OVCH1: variants seen among roughly 807,000 people sequenced by gnomAD.
OVCH1 encodes the protein ovochymase-1.
OVCH1 carries 139 observed loss-of-function variants against 138.4 expected under a neutral mutation model. That is an observed-to-expected ratio of 1.00 (90% CI 0.87 to 1.16). The LOEUF is 1.16. Among genes scored for constraint, OVCH1 ranks in the 50% most tolerant of loss-of-function variants. OVCH1 has a pLI of 0.00. For missense variants in OVCH1, 1,367 were observed against 1,357.9 expected, an observed-to-expected ratio of 1.01 and a Z score of -0.11; for synonymous variants, 453 against 467.8, an observed-to-expected ratio of 0.97 and a Z score of 0.41.
At position 29,458,016 on chromosome 12, in the gene OVCH1, T is replaced by C. The variant is rs112928633; in HGVS notation, c.2281-2611A>G. 8.8e-3 allele frequency among the ~76,000 whole-genome samples: 1,346 copies of C among 152,296 alleles called. 10 individuals are homozygous for C. The highest frequency in any genetic ancestry group is 0.02 in the Middle Eastern group (6 of 294). On this transcript the variant is annotated intron_variant, in intron 19 of 27. Coordinates refer to ENST00000318184, the Ensembl canonical transcript of OVCH1. ...GGCAAGATATGGTCAGTTGGAAGGC[T>C]AGAAGGCAAATCAATGTGGCTGAGG...
At chr12:29,476,759 A>ATG (rs1942739621) in intron 12 of OVCH1, among the ~76,000 whole-genome samples, 1 of 54,046 alleles carries the variant, frequency 1.9e-5, no homozygotes, top group African/African-American at 4.3e-5. Flanking sequence ...ACGCGCGCAC[A>ATG]CACACACACA....
At chr12:29,448,967 G>T (rs1230926776) in intron 22 of OVCH1, among the ~76,000 whole-genome samples, 1 of 151,826 alleles carries the variant, frequency 6.6e-6, no homozygotes, top group Non-Finnish European at 1.5e-5. Flanking sequence ...CCTCCTTACT[G>T]CAAGCCAAAA....
chr12:29,411,300 A>G (rs1005991047), downstream of OVCH1, among the ~76,000 whole-genome samples: 1 of 148,888 alleles, frequency 6.7e-6, no homozygotes, highest in Non-Finnish European at 1.5e-5. Context: ...TCTACTCTCA[A>G]CTCGTCAAAG....
downstream of OVCH1, among the ~76,000 whole-genome samples, chr12:29,411,267 C>T (rs1231884197): frequency 3.6e-5 from 5 of 139,644 alleles, no homozygotes; most frequent in East Asian, 2.1e-4. Flanking sequence ...TCCTGTAGCT[C>T]GTAGTTTGAG....
chr12:29,410,144 T>G (rs995721157), downstream of OVCH1, among the ~76,000 whole-genome samples: 1 of 148,252 alleles, frequency 6.7e-6, no homozygotes, highest in African/African-American at 2.4e-5. Flanking sequence ...TGCCTTTTTT[T>G]GTTTTCCATT....
At chr12:29,466,488 T>C (rs1265335597) in intron 16 of OVCH1, among the ~76,000 whole-genome samples, 1 of 149,450 alleles carries the variant, frequency 6.7e-6, no homozygotes, top group Non-Finnish European at 1.5e-5. Flanking sequence ...TCGTCATCTT[T>C]TGTTAAATCA....
At chr12:29,464,839 T>A in intron 17 of OVCH1, 137 bp from the exon 18 acceptor site, 1 of 791,374 alleles carries the variant, frequency 1.3e-6, no homozygotes, top group Non-Finnish European at 2.0e-6. Flanking sequence ...CTATTAAATT[T>A]AAAAGAGCAA....
chr12:29,494,770 C>G (rs1250597145), intron 4 of OVCH1, among the ~76,000 whole-genome samples: 1 of 151,998 alleles, frequency 6.6e-6, no homozygotes, highest in Non-Finnish European at 1.5e-5. Flanking sequence ...TGCTGAATCT[C>G]ATGAAGATAG....
intron 3 of OVCH1, among the ~76,000 whole-genome samples, chr12:29,421,320 A>G (rs1941100997): frequency 6.6e-6 from 1 of 152,266 alleles, no homozygotes; most frequent in Admixed American, 6.5e-5. Context: ...TAGAAAAGTA[A>G]TAACAAAACA....
intron 16 of OVCH1, among the ~76,000 whole-genome samples, chr12:29,469,532 A>T (rs796785332): frequency 2.6e-5 from 4 of 152,198 alleles, no homozygotes; most frequent in African/African-American, 9.6e-5. Context: ...CATCTGAGCA[A>T]CAGAAAGACC....
chr12:29,434,587 C>G (rs1565568574), intron 26 of OVCH1, among the ~76,000 whole-genome samples: 1 of 151,958 alleles, frequency 6.6e-6, no homozygotes, highest in Non-Finnish European at 1.5e-5. Flanking sequence ...AAAAAATGGA[C>G]TTACCAGAAA....
intron 25 of OVCH1, among the ~76,000 whole-genome samples, chr12:29,441,267 C>G (rs2135919311): frequency 6.6e-6 from 1 of 152,264 alleles, no homozygotes; most frequent in African/African-American, 2.4e-5. Context: ...GGTACCAAAA[C>G]AGAGATATAG....
chr12:29,465,307 T>G, intron 16 of OVCH1, 88 bp from the exon 17 acceptor site: 2 of 1,111,956 alleles, frequency 1.8e-6, no homozygotes, highest in Non-Finnish European at 2.5e-6. Context: ...TCTGAGACTA[T>G]AAAGTCTTTC....
At position 29,476,205 on chromosome 12, in the gene OVCH1, C is replaced by A; in HGVS notation, c.1471+1G>T. The A allele has an allele frequency of 6.2e-7, 1 of 1,609,306 alleles. No homozygotes were observed. The highest frequency in any genetic ancestry group is 8.5e-7 in the Non-Finnish European group (1 of 1,175,688). The stretch of plus-strand genomic sequence containing the variant: ...ATATTTAAAGGGTGAAGTCTACCTA[C>A]CTAACTTGTGCTTTTCTTCAGAATC... On this transcript the variant is annotated splice_donor_variant, in intron 13 of 27. Coordinates refer to ENST00000318184, the Ensembl canonical transcript of OVCH1. LOFTEE classifies it high-confidence loss of function.
At chr12:29,487,792 C>T in exon 7 of OVCH1, 3 of 1,606,254 alleles carry the variant, frequency 1.9e-6, no homozygotes, top group Non-Finnish European at 2.6e-6. Context: ...GGAACTGAAC[C>T]TCCAGCACAA....
intron 22 of OVCH1, among the ~76,000 whole-genome samples, chr12:29,448,803 A>G (rs10843421): frequency 0.31 from 46,837 of 152,040 alleles, 8,676 homozygotes; most frequent in Middle Eastern, 0.52. Flanking sequence ...TTATCCTAAG[A>G]AAACAACCCC....
intron 8 of OVCH1, 30 bp from the exon 10 acceptor site, chr12:29,478,998 A>G (rs1942837057): frequency 1.2e-6 from 1 of 848,328 alleles, no homozygotes; most frequent in Admixed American, 3.3e-5. Context: ...AGAAAATGTA[A>G]TAAATGGAAG....
At chr12:29,451,404 A>G in exon 22 of OVCH1, 1 of 1,613,356 alleles carries the variant, frequency 6.2e-7, no homozygotes, top group Middle Eastern at 1.7e-4. Context: ...GTCTTGACAC[A>G]CAGGAGACCC....
chr12:29,447,158 A>T (rs1215030547), intron 22 of OVCH1, among the ~76,000 whole-genome samples: 1 of 152,100 alleles, frequency 6.6e-6, no homozygotes, highest in Non-Finnish European at 1.5e-5. Context: ...GACAAAAGAT[A>T]ATGGCAATTA....
Sources: allele counts gnomAD v4.1 joint callset (sites outside exome capture counted in the v4.1 genomes callset), GRCh38; gene constraint gnomAD v4.1.1; transcripts MANE v1.5; gene names NCBI Gene and HGNC (gene_info 2026-07-23, HGNC 2026-07-21).